Variants in TOGARAM2 observed in about 807,000 individuals in gnomAD.
The protein encoded by TOGARAM2 is TOG array regulator of axonemal microtubules 2, also known as TOG array regulator of axonemal microtubules protein 2.
Under a neutral mutation model 93.3 loss-of-function variants are expected in TOGARAM2, and 85 were observed. That is an observed-to-expected ratio of 0.91 (90% confidence interval 0.76 to 1.09). The LOEUF is 1.09. Among genes scored for constraint, TOGARAM2 ranks in the 50% least tolerant of loss-of-function variants. The pLI is 0.00. For missense variants in TOGARAM2, 1,277 were observed against 1,334.5 expected, an observed-to-expected ratio of 0.96 and a Z score of 0.67; for synonymous variants, 593 against 552.8, an observed-to-expected ratio of 1.07 and a Z score of -1.02.
At chr2:29,009,025 T>C (rs1437466567) in intron 6 of TOGARAM2, among the ~76,000 whole-genome samples, 3 of 152,232 alleles carry the variant, frequency 2.0e-5, no homozygotes, top group African/African-American at 7.2e-5. Context: ...TAAAAGCTGT[T>C]AAGCACCTAC....
chr2:29,050,767 G>C (rs1188027472), intron 19 of TOGARAM2: 1 of 152,266 alleles, frequency 6.6e-6, no homozygotes, highest in Non-Finnish European at 1.5e-5. Context: ...AGCTTCGATA[G>C]TGCTAATGCG....
At position 29,022,178 on chromosome 2, in the gene TOGARAM2, C is replaced by T; in HGVS notation, c.1381C>T (p.Leu461Phe). 6.2e-7 allele frequency: 1 copy of T among 1,614,032 alleles called. No individual in the cohort carries two copies. ...HASANSLPAVLTLGSPEWEEE... is the reference protein window; with the variant it reads ...HASANSLPAVFTLGSPEWEEE... ...TGCAGCTAACTCATTACCTGCGGTG[C>T]TCACGTTGGGGTCTCCTGAATGGGA... Residue 461 changes from leucine to phenylalanine, a missense_variant, in exon 11 of 20, where the codon CTC (leucine) becomes TTC (phenylalanine). Coordinates refer to ENST00000379558, the MANE Select transcript of TOGARAM2 (RefSeq NM_199280.4).
At chr2:29,029,264 TAC>T (rs146395549) in intron 14 of TOGARAM2, among the ~76,000 whole-genome samples, 4,961 of 147,922 alleles carry the variant, frequency 0.034, 148 homozygotes, top group African/African-American at 0.078. Flanking sequence ...TATGTGTGTA[TAC>T]ACACACACAC....
chr2:29,025,040 G>C (rs1049411359), intron 13 of TOGARAM2, among the ~76,000 whole-genome samples: 5 of 152,146 alleles, frequency 3.3e-5, no homozygotes, highest in Non-Finnish European at 7.4e-5. Flanking sequence ...ACAGCAAAAG[G>C]CCTCTCCACC....
intron 14 of TOGARAM2, among the ~76,000 whole-genome samples, chr2:29,030,848 T>A (rs1254701517): frequency 6.6e-6 from 1 of 152,228 alleles, no homozygotes; most frequent in East Asian, 1.9e-4. Context: ...CGAGCATCAG[T>A]CCCCATTTCT....
intron 18 of TOGARAM2, among the ~76,000 whole-genome samples, chr2:29,038,862 A>G (rs1354713996): frequency 6.6e-6 from 1 of 152,222 alleles, no homozygotes; most frequent in African/African-American, 2.4e-5. Flanking sequence ...AGGTTTTGAA[A>G]GTGTTCCTAA....
At chr2:28,957,608 C>T (rs531671298) in intron 1 of TOGARAM2, among the ~76,000 whole-genome samples, 3 of 152,254 alleles carry the variant, frequency 2.0e-5, no homozygotes, top group Admixed American at 6.5e-5. Flanking sequence ...GGAGTCATGA[C>T]GCTGGAAGAA....
rs114291708 is a variant in TOGARAM2 at position 28,961,353 on chromosome 2, T to C, written c.-147+4656T>C. Among the ~76,000 whole-genome samples the C allele has an allele frequency of 7.2e-3, 1,095 of 152,312 alleles. 15 individuals are homozygous for C. The highest frequency in any genetic ancestry group is 0.025 in the African/African-American group (1,019 of 41,560). ...ATTTATTATTTAATTTTTAATTTTT[T>C]TGGAGGCAGAATCTTTCTCACTCTG... is the stretch of plus-strand genomic sequence containing the variant. On this transcript the variant is annotated intron_variant, in intron 1 of 6. Transcript: ENST00000401723.
chr2:28,970,125 T>C (rs1173297569), intron 1 of TOGARAM2, among the ~76,000 whole-genome samples: 1 of 152,230 alleles, frequency 6.6e-6, no homozygotes, highest in Non-Finnish European at 1.5e-5. Context: ...TTGTCTTGTA[T>C]ACAATTCTTA....
intron 5 of TOGARAM2, 110 bp from the exon 6 acceptor site, chr2:29,003,382 G>A: frequency 1.1e-6 from 1 of 895,018 alleles, no homozygotes; most frequent in South Asian, 3.2e-5. Flanking sequence ...TCCCAGGGTG[G>A]TGTGGCTGAA....
At chr2:28,998,731 T>C (rs1015669664) in intron 3 of TOGARAM2, among the ~76,000 whole-genome samples, 4 of 152,156 alleles carry the variant, frequency 2.6e-5, no homozygotes, top group African/African-American at 9.7e-5. Flanking sequence ...GTGCAGAGTA[T>C]TTTGTTTCTC....
At chr2:28,974,432 G>A (rs1671997238) in intron 1 of TOGARAM2, among the ~76,000 whole-genome samples, 1 of 152,010 alleles carries the variant, frequency 6.6e-6, no homozygotes, top group Non-Finnish European at 1.5e-5. Context: ...ATCCTATGTG[G>A]GGGTGCTTGG....
chr2:28,994,677 A>G, intron 1 of TOGARAM2, 48 bp from the exon 2 acceptor site: 1 of 654,214 alleles, frequency 1.5e-6, no homozygotes, highest in Non-Finnish European at 2.6e-6. Context: ...GTAGTTTAAA[A>G]GTGTTAATTT....
intron 14 of TOGARAM2, among the ~76,000 whole-genome samples, chr2:29,029,848 A>G (rs985446213): frequency 5.3e-5 from 8 of 152,124 alleles, no homozygotes; most frequent in Admixed American, 2.6e-4. Flanking sequence ...ATAGGGTTCA[A>G]TGTATACTGC....
At chr2:29,003,425 C>T in intron 5 of TOGARAM2, 67 bp from the exon 6 acceptor site, 2 of 1,319,874 alleles carry the variant, frequency 1.5e-6, no homozygotes, top group Non-Finnish European at 2.0e-6. Flanking sequence ...GTGTGAGGTG[C>T]CTGGAGGTGA....
intron 8 of TOGARAM2, 80 bp from the exon 9 acceptor site, chr2:29,017,074 A>G: frequency 6.5e-7 from 1 of 1,542,592 alleles, no homozygotes; most frequent in Non-Finnish European, 8.8e-7. Context: ...ATTGGCACAC[A>G]GTAGAAACAT....
At chr2:28,995,827 C>G (rs1439442031) in intron 2 of TOGARAM2, among the ~76,000 whole-genome samples, 2 of 152,208 alleles carry the variant, frequency 1.3e-5, no homozygotes, top group Non-Finnish European at 2.9e-5. Context: ...GATGGACGAG[C>G]TGGGTTTCCA....
intron 1 of TOGARAM2, among the ~76,000 whole-genome samples, chr2:28,962,768 C>T (rs1305997328): frequency 7.9e-6 from 1 of 125,944 alleles, no homozygotes; most frequent in Non-Finnish European, 1.7e-5. Context: ...CTCCCCTTCC[C>T]TCCCCTCCCC....
intron 10 of TOGARAM2, among the ~76,000 whole-genome samples, chr2:29,020,999 C>T (rs1187093649): frequency 2.6e-5 from 4 of 152,090 alleles, no homozygotes; most frequent in Non-Finnish European, 4.4e-5. Context: ...CTGCAACCTA[C>T]GCTTCCCGAG....
Sources: allele counts gnomAD v4.1 joint callset (sites outside exome capture counted in the v4.1 genomes callset), GRCh38; gene constraint gnomAD v4.1.1; transcripts MANE v1.5; gene names NCBI Gene and HGNC (gene_info 2026-07-23, HGNC 2026-07-21).